The following HECW2 variants were observed in gnomAD, a reference collection of about 807,000 sequenced individuals.
The protein encoded by HECW2 is E3 ubiquitin-protein ligase HECW2.
HECW2 carries 61 observed loss-of-function variants against 175.2 expected under a neutral mutation model. The observed-to-expected ratio is 0.35, with a 90% CI of 0.28 to 0.43. The LOEUF (loss-of-function observed/expected upper bound fraction) is 0.43, where lower values mean the gene tolerates loss of function less well. Ranked by LOEUF, HECW2 falls within the 20% of genes least tolerant of loss-of-function variation. HECW2 has a pLI of 1.00. For synonymous variants in HECW2, 671 were observed against 731.0 expected (o/e 0.92, Z 1.32); for missense variants, 1,524 against 2,000.5 (o/e 0.76, Z 4.54).
intron 4 of HECW2, among the ~76,000 whole-genome samples, chr2:196,333,241 C>A (rs919340402): frequency 3.9e-5 from 6 of 151,972 alleles, no homozygotes; most frequent in Non-Finnish European, 2.9e-5. Flanking sequence ...ACCAGACCTA[C>A]GAGATCAATG....
intron 15 of HECW2, among the ~76,000 whole-genome samples, chr2:196,275,072 A>G (rs1689892462): frequency 6.6e-6 from 1 of 152,206 alleles, no homozygotes; most frequent in African/African-American, 2.4e-5. Context: ...GGATTTTTCT[A>G]AAGACTCTAA....
chr2:196,503,798 T>G (rs1370985448), intron 1 of HECW2, among the ~76,000 whole-genome samples: 1 of 152,168 alleles, frequency 6.6e-6, no homozygotes, highest in Non-Finnish European at 1.5e-5. Context: ...CACAAAAGTT[T>G]CAAAAATAAG....
chr2:196,357,221 T>A (rs549422563), intron 2 of HECW2, among the ~76,000 whole-genome samples: 1 of 151,358 alleles, frequency 6.6e-6, no homozygotes, highest in African/African-American at 2.4e-5. Flanking sequence ...TCCTTCTCCA[T>A]CCTCCCTGTG....
chr2:196,462,721 T>C (rs1265011045), intron 1 of HECW2, among the ~76,000 whole-genome samples: 1 of 151,384 alleles, frequency 6.6e-6, no homozygotes, highest in East Asian at 1.9e-4. Context: ...AATGAAATGA[T>C]CTTTCAAGGC....
chr2:196,202,404 T>C (rs1463204160), intron 28 of HECW2, among the ~76,000 whole-genome samples: 2 of 152,158 alleles, frequency 1.3e-5, no homozygotes, highest in Non-Finnish European at 2.9e-5. Context: ...TTGGACATAT[T>C]TGGGTTTGGA....
intron 19 of HECW2, among the ~76,000 whole-genome samples, chr2:196,250,833 A>C (rs1218795513): frequency 6.6e-6 from 1 of 151,942 alleles, no homozygotes; most frequent in East Asian, 1.9e-4. Flanking sequence ...CTCTTCTCCT[A>C]ACTACTGTTC....
At chr2:196,391,243 T>A (rs574247413) in intron 2 of HECW2, among the ~76,000 whole-genome samples, 56 of 152,310 alleles carry the variant, frequency 3.7e-4, no homozygotes, top group African/African-American at 1.3e-3. Context: ...AACTGTTCCC[T>A]CTTCTTACAT....
At chr2:196,472,227 T>C (rs1697230928) in intron 1 of HECW2, among the ~76,000 whole-genome samples, 2 of 152,020 alleles carry the variant, frequency 1.3e-5, no homozygotes, top group African/African-American at 4.8e-5. Context: ...CTCATGCCTG[T>C]AATCCCAGCA....
At chr2:196,211,308 A>G (rs1176099521) in intron 28 of HECW2, among the ~76,000 whole-genome samples, 2 of 152,328 alleles carry the variant, frequency 1.3e-5, no homozygotes, top group East Asian at 3.9e-4. Context: ...TTTGAGAGCA[A>G]TTGCCACAAA....
intron 1 of HECW2, among the ~76,000 whole-genome samples, chr2:196,511,235 A>G (rs756356444): frequency 2.6e-5 from 4 of 152,252 alleles, no homozygotes; most frequent in Non-Finnish European, 4.4e-5. Flanking sequence ...GGTACAATAA[A>G]TATTTTGGGA....
intron 1 of HECW2, among the ~76,000 whole-genome samples, chr2:196,536,293 T>C (rs1689019916): frequency 6.6e-6 from 1 of 152,222 alleles, no homozygotes. Context: ...ATTAGTTTTC[T>C]TGGTACACCT....
intron 2 of HECW2, among the ~76,000 whole-genome samples, chr2:196,409,538 T>C (rs982642096): frequency 6.6e-6 from 1 of 152,242 alleles, no homozygotes; most frequent in African/African-American, 2.4e-5. Context: ...TTCAGTCTGA[T>C]GCATTTGGCC....
At chr2:196,448,524 C>T (rs146360835) in intron 1 of HECW2, among the ~76,000 whole-genome samples, 72 of 152,276 alleles carry the variant, frequency 4.7e-4, no homozygotes, top group African/African-American at 1.6e-3. Flanking sequence ...GGGAGAAAGA[C>T]GTAATCAACT....
At chr2:196,541,665 T>C (rs973560237) in intron 1 of HECW2, among the ~76,000 whole-genome samples, 1 of 151,980 alleles carries the variant, frequency 6.6e-6, no homozygotes, top group Non-Finnish European at 1.5e-5. Flanking sequence ...AATAATTCAA[T>C]CACCTTTCAT....
rs1207520674 is a variant in HECW2, at chr2:196,553,091, T to C, written c.-36+40417A>G. ...TCTTTTCTCACAGGCTTTTGTGTTT[T>C]ACTATAACTGCTTTCTAGGAATCAA... On this transcript the variant is annotated intron_variant, in intron 1 of 28. Transcript: ENST00000644978. Among the ~76,000 whole-genome samples, 11 of 152,356 alleles carry C rather than the reference T, an allele frequency of 7.2e-5. No homozygotes were observed. In the East Asian group the frequency reaches 1.9e-3, roughly 27 times the overall value.
intron 19 of HECW2, among the ~76,000 whole-genome samples, chr2:196,249,550 C>T (rs148135769): frequency 6.6e-6 from 1 of 152,298 alleles, no homozygotes; most frequent in African/African-American, 2.4e-5. Flanking sequence ...ATATTATTCT[C>T]ACACCACTAA....
intron 7 of HECW2, 88 bp from the exon 8 acceptor site, chr2:196,320,527 T>C (rs1362242633): frequency 1.4e-6 from 1 of 724,890 alleles, no homozygotes; most frequent in Admixed American, 2.2e-5. Flanking sequence ...AAATCCCTCC[T>C]ATCTCTCTTA....
Position 196,319,363 on chromosome 2 carries a change from C to T in HECW2, c.1527G>A (p.Glu509=), listed in dbSNP as rs1691847516. ...CTTCCTCATTCTCAACAGGGTTGTCCTCCAGCTTTGTCTGAGATGTCAGGC... is the reference window on the plus strand; with the variant it reads ...CTTCCTCATTCTCAACAGGGTTGTCTTCCAGCTTTGTCTGAGATGTCAGGC... ...DGSLTSQTKL[E]DNPVENEEAS... is the part of the protein sequence containing the mutation. The change falls in exon 9 of 29, where the codon GAG becomes GAA. Residue 509 remains glutamate, a synonymous_variant. Transcript: ENST00000644978. The T allele has an allele frequency of 6.2e-7, 1 of 1,614,204 alleles. No individual in the cohort carries two copies. Among genetic ancestry groups the T allele is most frequent in the South Asian group, 1.1e-5 (1 of 91,068 alleles).
At chr2:196,286,788 A>T (rs1690407739) in intron 14 of HECW2, among the ~76,000 whole-genome samples, 1 of 152,260 alleles carries the variant, frequency 6.6e-6, no homozygotes, top group African/African-American at 2.4e-5. Context: ...AAGCAATTAA[A>T]AATGTGTCAC....
Sources: gnomAD v4.1 joint callset for allele counts (sites outside exome capture counted in the v4.1 genomes callset) on GRCh38, gnomAD v4.1.1 for gene constraint, MANE v1.5 for transcripts, NCBI Gene and HGNC (gene_info 2026-07-23, HGNC 2026-07-21) for gene names.